Variants in PDE10A observed in about 807,000 individuals in gnomAD.
PDE10A encodes the protein phosphodiesterase 10A.
Under a neutral mutation model 97.7 loss-of-function variants are expected in PDE10A, and 39 were observed. The observed-to-expected ratio is 0.40, with a 90% CI of 0.31 to 0.52. The LOEUF (loss-of-function observed/expected upper bound fraction) is 0.52. Among genes scored for constraint, PDE10A ranks in the 20% least tolerant of loss-of-function variants. PDE10A has a pLI of 0.56. For missense variants in PDE10A, 731 were observed against 1,047.8 expected (o/e 0.70, Z 4.17); for synonymous variants, 371 against 376.8 (o/e 0.98, Z 0.18).
intron 1 of PDE10A, among the ~76,000 whole-genome samples, chr6:165,881,725 C>T (rs1466863961): frequency 6.6e-6 from 1 of 151,974 alleles, no homozygotes; most frequent in Non-Finnish European, 1.5e-5. Flanking sequence ...GGTCAGCCTC[C>T]CCCAGGTTGC....
At chr6:165,594,497 T>A (rs971647440) in intron 1 of PDE10A, among the ~76,000 whole-genome samples, 6 of 152,252 alleles carry the variant, frequency 3.9e-5, no homozygotes, top group African/African-American at 1.4e-4. Context: ...ATACCCAAAG[T>A]GAAGCAGAAC....
Position 165,431,425 on chromosome 6 carries a change from C to T in PDE10A, c.1539G>A (p.Val513=). The change falls in exon 8 of 22, where the codon GTG becomes GTA. Residue 513 remains valine (V), a synonymous_variant. Transcript: ENST00000539869. The stretch of plus-strand genomic sequence containing the variant: ...CAAAAACACCCCAAAGACTCACCTG[C>T]ACCTGATGTATTGCTACTGAAGCCC... ...LAWASVAIHQ[V]QVCRGLAKQT... The T allele has an allele frequency of 2.5e-6, 4 of 1,597,452 alleles. No individual in the cohort carries two copies. The highest frequency in any genetic ancestry group is 3.4e-6 in the Non-Finnish European group (4 of 1,170,102).
chr6:165,627,802 G>A (rs1318189115), intron 1 of PDE10A, among the ~76,000 whole-genome samples: 1 of 152,108 alleles, frequency 6.6e-6, no homozygotes, highest in Non-Finnish European at 1.5e-5. Context: ...CTAAAACTCT[G>A]CAACAGGCAA....
intron 1 of PDE10A, among the ~76,000 whole-genome samples, chr6:165,900,947 G>A (rs188685754): frequency 2.0e-5 from 3 of 152,312 alleles, no homozygotes; most frequent in Admixed American, 6.5e-5. Flanking sequence ...CCAGACCTGG[G>A]CACTCTCTTA....
chr6:165,751,857 G>A (rs1793008340), intron 1 of PDE10A, among the ~76,000 whole-genome samples: 1 of 151,948 alleles, frequency 6.6e-6, no homozygotes, highest in African/African-American at 2.4e-5. Flanking sequence ...GTGAGTAAAT[G>A]GGCCAGGCAC....
intron 1 of PDE10A, among the ~76,000 whole-genome samples, chr6:165,821,353 T>C (rs1042988701): frequency 6.6e-6 from 1 of 152,196 alleles, no homozygotes; most frequent in Non-Finnish European, 1.5e-5. Flanking sequence ...CTGAAAATCA[T>C]GATCGTGACA....
chr6:165,695,809 C>G (rs1264743987), intron 1 of PDE10A, among the ~76,000 whole-genome samples: 2 of 152,182 alleles, frequency 1.3e-5, no homozygotes, highest in East Asian at 1.9e-4. Context: ...AATGAGACAT[C>G]TGGCAGGAGT....
rs1788463666 is a variant in PDE10A, at chr6:165,418,286, T to C, written c.1796+349A>G. Among the ~76,000 whole-genome samples, 1 of 152,186 alleles carries C rather than the reference T, an allele frequency of 6.6e-6. No homozygotes were observed. The highest frequency in any genetic ancestry group is 2.1e-4 in the South Asian group (1 of 4,834). ...GGGAAGAAGTAGGGGCCGAATTGCA[T>C]AAGCACACCTTTTCTCTTGGACATG... On this transcript the variant is annotated intron_variant, in intron 11 of 21. Transcript: ENST00000539869. This position sits in a 1 kb window ranked among gnomAD's most constrained non-coding sequence, Gnocchi z 4.8.
At chr6:165,958,366 A>G (rs1784204982) in intron 1 of PDE10A, among the ~76,000 whole-genome samples, 1 of 151,874 alleles carries the variant, frequency 6.6e-6, no homozygotes, top group Non-Finnish European at 1.5e-5. Flanking sequence ...ATTTCAAAAG[A>G]AAGTTGGAGA....
chr6:165,677,586 G>A (rs1790835244), intron 1 of PDE10A, among the ~76,000 whole-genome samples: 1 of 152,172 alleles, frequency 6.6e-6, no homozygotes, highest in Non-Finnish European at 1.5e-5. Context: ...GGTATTATAA[G>A]TAATTATAAT....
chr6:165,540,390 A>G lies in PDE10A; in HGVS notation c.994+3050T>C, dbSNP rs539460978. ...ATAATTGTACATATTTATGGGGTAC[A>G]GTGTGTTACACGGTTTTATTTCATT... On this transcript the variant is annotated intron_variant, in intron 2 of 21. Transcript: ENST00000539869. Among the ~76,000 whole-genome samples the G allele has an allele frequency of 8.5e-5, 13 of 152,342 alleles. 1 individual carries two copies. The South Asian group carries it at 2.3e-3, about 27-fold the overall frequency.
chr6:165,371,776 A>G (rs1031015591), intron 18 of PDE10A, among the ~76,000 whole-genome samples: 8 of 152,100 alleles, frequency 5.3e-5, no homozygotes, highest in Admixed American at 2.0e-4. Flanking sequence ...CACAACCAAA[A>G]AAGAGAATTT....
chr6:165,772,393 C>G (rs1315641418), intron 1 of PDE10A, among the ~76,000 whole-genome samples: 46 of 152,212 alleles, frequency 3.0e-4, no homozygotes, highest in Non-Finnish European at 1.5e-5. Flanking sequence ...GACACTTTCC[C>G]TCCTCCTTCC....
intron 1 of PDE10A, among the ~76,000 whole-genome samples, chr6:165,701,761 A>G (rs9365913): frequency 0.65 from 96,299 of 147,974 alleles, 31,423 homozygotes; most frequent in African/African-American, 0.75. Flanking sequence ...GTATGTTTGC[A>G]TGTGTGTATG....
At chr6:165,964,417 C>T (rs76830602) in intron 1 of PDE10A, among the ~76,000 whole-genome samples, 30 of 152,276 alleles carry the variant, frequency 2.0e-4, no homozygotes, top group Non-Finnish European at 3.1e-4. Flanking sequence ...TTCTCCTGTT[C>T]TCTTTTGTGT....
chr6:165,496,775 A>G (rs569815), intron 2 of PDE10A, among the ~76,000 whole-genome samples: 63,013 of 152,176 alleles, frequency 0.41, 17,779 homozygotes, highest in African/African-American at 0.81. Context: ...ATTTGGTCAC[A>G]AAAAGAGTGC....
chr6:165,802,010 A>G (rs903435), intron 1 of PDE10A, among the ~76,000 whole-genome samples: 133,754 of 152,214 alleles, frequency 0.88, 59,609 homozygotes, highest in East Asian at 1. Flanking sequence ...AACTTCTGTC[A>G]TAAAGTGAGG....
chr6:165,780,105 A>T (rs1475019665), intron 1 of PDE10A, among the ~76,000 whole-genome samples: 1 of 152,228 alleles, frequency 6.6e-6, no homozygotes, highest in African/African-American at 2.4e-5. Context: ...AAGTGGTACA[A>T]GTTTGAATTC....
intron 1 of PDE10A, among the ~76,000 whole-genome samples, chr6:165,677,040 A>T (rs898420358): frequency 6.6e-6 from 1 of 152,222 alleles, no homozygotes; most frequent in Non-Finnish European, 1.5e-5. Flanking sequence ...TCTTCCTGTG[A>T]TAGTTAATTT....
Sources: allele counts gnomAD v4.1 joint callset (sites outside exome capture counted in the v4.1 genomes callset), GRCh38; gene constraint gnomAD v4.1.1; non-coding constraint Gnocchi (gnomAD v3.1); transcripts MANE v1.5; gene names NCBI Gene and HGNC (gene_info 2026-07-23, HGNC 2026-07-21).